The following TMTC2 variants were observed in gnomAD, a reference collection of about 807,000 sequenced individuals.
The protein encoded by TMTC2 is transmembrane O-mannosyltransferase targeting cadherins 2.
TMTC2 carries 43 observed loss-of-function variants against 82.4 expected under a neutral mutation model. That is an observed-to-expected ratio of 0.52 (90% confidence interval 0.41 to 0.67). The LOEUF (loss-of-function observed/expected upper bound fraction) is 0.67, where lower values mean the gene tolerates loss of function less well. TMTC2 is among the 30% of genes least tolerant of loss of function. TMTC2 has a pLI of 0.00. For missense variants in TMTC2, 919 were observed against 1,012.4 expected (o/e 0.91, Z 1.25); for synonymous variants, 408 against 381.9 (o/e 1.07, Z -0.80).
intron 1 of TMTC2, among the ~76,000 whole-genome samples, chr12:82,753,672 A>G (rs1217633095): frequency 6.6e-6 from 1 of 152,214 alleles, no homozygotes; most frequent in Non-Finnish European, 1.5e-5. Context: ...AACTTGTGAA[A>G]TTTAGGTCTC....
At position 82,900,743 on chromosome 12, in the gene TMTC2, AATAT is replaced by A. The variant is rs1156240605; in HGVS notation, c.1483+4105_1483+4108del. On this transcript the variant is annotated intron_variant, in intron 3 of 11. Transcript: ENST00000321196. Reference sequence around the variant, plus strand: ...TATATATAGGAATATATATCTCTGGAATATATATATAGGAATATATATAGAGAGG... The same window carrying A: ...TATATATAGGAATATATATCTCTGGAATATATAGGAATATATATAGAGAGG... Among the ~76,000 whole-genome samples, 200 of 126,986 alleles carry A rather than the reference AATAT, an allele frequency of 1.6e-3. 2 individuals are homozygous for A. The highest frequency in any genetic ancestry group is 5.9e-3 in the African/African-American group (190 of 32,284). The allele number at this position is 126,986 out of a possible 152,430, so 83.3% of individuals were successfully genotyped here. A position where few individuals can be genotyped will look rare whatever the true frequency, so the allele number is the denominator to read the frequency against.
At chr12:83,089,833 C>CAA (rs1185835999) in intron 11 of TMTC2, among the ~76,000 whole-genome samples, 29 of 134,406 alleles carry the variant, frequency 2.2e-4, no homozygotes, top group African/African-American at 8.9e-4. Flanking sequence ...GCAAAAAAAA[C>CAA]AAAAAACAAA....
intron 7 of TMTC2, among the ~76,000 whole-genome samples, 195 bp downstream of exon 7, chr12:82,967,192 G>A (rs930465341): frequency 1.1e-4 from 17 of 151,984 alleles, no homozygotes; most frequent in Non-Finnish European, 8.8e-5. Flanking sequence ...TTAAAGCAGC[G>A]ATTCCCAACA....
intron 1 of TMTC2, among the ~76,000 whole-genome samples, chr12:82,711,056 C>T (rs1002844350): frequency 6.6e-6 from 1 of 152,084 alleles, no homozygotes; most frequent in African/African-American, 2.4e-5. Context: ...CCATACAACC[C>T]AGGATGCAAG....
chr12:82,940,280 G>A (rs1592643458), intron 4 of TMTC2, among the ~76,000 whole-genome samples: 3 of 152,056 alleles, frequency 2.0e-5, no homozygotes, highest in Admixed American at 2.0e-4. Flanking sequence ...GCCTCCCAAA[G>A]TGCTGGGATT....
intron 1 of TMTC2, among the ~76,000 whole-genome samples, chr12:82,744,045 G>A (rs1875552444): frequency 6.6e-6 from 1 of 152,102 alleles, no homozygotes; most frequent in African/African-American, 2.4e-5. Context: ...AGGCCAGGCG[G>A]GAGGATCGCT....
intron 2 of TMTC2, among the ~76,000 whole-genome samples, chr12:82,882,580 A>C (rs1473985934): frequency 1.3e-5 from 2 of 151,984 alleles, no homozygotes; most frequent in Non-Finnish European, 2.9e-5. Flanking sequence ...AGAATGTTCA[A>C]CTCAGCGGCC....
chr12:83,063,779 A>G lies in TMTC2; in HGVS notation c.2331+1948A>G, dbSNP rs77693764. Among the ~76,000 whole-genome samples the G allele has an allele frequency of 5.8e-3, 888 of 152,060 alleles. 44 individuals carry two copies. The East Asian group carries it at 0.12, about 21-fold the overall frequency. Reference sequence around the variant, plus strand: ...TTAGGCAGTGGCTATACAGCAGTGAACAAAATGGTTAGGAGCTACAATCTA... The same window carrying G: ...TTAGGCAGTGGCTATACAGCAGTGAGCAAAATGGTTAGGAGCTACAATCTA... On this transcript the variant is annotated intron_variant, in intron 11 of 11. Coordinates refer to ENST00000321196, the MANE Select transcript of TMTC2 (RefSeq NM_152588.3).
intron 11 of TMTC2, among the ~76,000 whole-genome samples, chr12:83,129,757 A>T (rs1010268636): frequency 7.2e-5 from 11 of 152,162 alleles, no homozygotes; most frequent in South Asian, 6.2e-4. Flanking sequence ...AGGAAAGGAA[A>T]ATGACAATAA....
At chr12:82,896,892 T>G (rs1873717369) in intron 3 of TMTC2, among the ~76,000 whole-genome samples, 1 of 152,226 alleles carries the variant, frequency 6.6e-6, no homozygotes. Context: ...TCCAGAAGAA[T>G]TAGAGCTCCT....
At chr12:82,723,883 C>A (rs1287569803) in intron 1 of TMTC2, among the ~76,000 whole-genome samples, 1 of 152,192 alleles carries the variant, frequency 6.6e-6, no homozygotes. Context: ...GGCTTTCTAG[C>A]TAAAGAACCA....
At chr12:82,895,744 A>T (rs866424630) in intron 2 of TMTC2, 74 bp from the exon 3 acceptor site, 1 of 1,318,540 alleles carries the variant, frequency 7.6e-7, no homozygotes, top group Admixed American at 2.4e-5. Flanking sequence ...AATGTATTTT[A>T]TCTCTAAGTG....
At chr12:82,972,446 A>G (rs1878492505) in intron 7 of TMTC2, among the ~76,000 whole-genome samples, 1 of 152,208 alleles carries the variant, frequency 6.6e-6, no homozygotes, top group African/African-American at 2.4e-5. Context: ...TTTTGATTTA[A>G]TTTGTAATTC....
intron 8 of TMTC2, 97 bp downstream of exon 8, chr12:82,986,143 G>A: frequency 6.5e-7 from 1 of 1,532,872 alleles, no homozygotes; most frequent in Non-Finnish European, 9.0e-7. Context: ...AGTTATCTAA[G>A]CTATTAGGGA....
chr12:82,968,779 C>G (rs538991690), intron 7 of TMTC2, among the ~76,000 whole-genome samples: 1 of 152,252 alleles, frequency 6.6e-6, no homozygotes, highest in Non-Finnish European at 1.5e-5. Context: ...TCAGCTCACA[C>G]AGGCAGCAAA....
At chr12:82,711,898 A>G (rs183716233) in intron 1 of TMTC2, among the ~76,000 whole-genome samples, 77 of 152,354 alleles carry the variant, frequency 5.1e-4, no homozygotes, top group Admixed American at 9.8e-4. Context: ...TTGACAGCTC[A>G]TATCGAAAAG....
At chr12:83,020,422 C>T (rs912591775) in intron 8 of TMTC2, among the ~76,000 whole-genome samples, 2 of 152,128 alleles carry the variant, frequency 1.3e-5, no homozygotes, top group Non-Finnish European at 2.9e-5. Flanking sequence ...AGTCTGAAAA[C>T]AGCATATTTT....
chr12:82,821,758 C>T (rs1869126854), intron 1 of TMTC2, among the ~76,000 whole-genome samples: 2 of 151,958 alleles, frequency 1.3e-5, no homozygotes, highest in South Asian at 4.2e-4. Flanking sequence ...CCTGTAATCC[C>T]AGCTACTCGG....
At chr12:83,079,369 T>G (rs1209617304) in intron 11 of TMTC2, among the ~76,000 whole-genome samples, 1 of 152,180 alleles carries the variant, frequency 6.6e-6, no homozygotes, top group African/African-American at 2.4e-5. Context: ...TCTCCCAATA[T>G]AAGAATTTAG....
Sources: gnomAD v4.1 joint callset for allele counts (sites outside exome capture counted in the v4.1 genomes callset) on GRCh38, gnomAD v4.1.1 for gene constraint, MANE v1.5 for transcripts, NCBI Gene and HGNC (gene_info 2026-07-23, HGNC 2026-07-21) for gene names.